The following UBR3 variants were observed in gnomAD, a reference collection of about 807,000 sequenced individuals.
The protein encoded by UBR3 is ubiquitin protein ligase E3 component n-recognin 3, also known as E3 ubiquitin-protein ligase UBR3.
Under a neutral mutation model 243.2 loss-of-function variants are expected in UBR3, and 85 were observed. The observed-to-expected ratio is 0.35, with a 90% confidence interval of 0.29 to 0.42. The LOEUF is 0.42. Among genes scored for constraint, UBR3 ranks in the 10% least tolerant of loss-of-function variants. The probability of loss-of-function intolerance (pLI) is 1.00; values close to 1 mark genes in which losing one functional copy is unlikely to be tolerated. For missense variants in UBR3, 1,686 were observed against 2,300.8 expected, an observed-to-expected ratio of 0.73 and a Z score of 5.47; for synonymous variants, 748 against 799.8, an observed-to-expected ratio of 0.94 and a Z score of 1.09.
Position 170,068,099 on chromosome 2 carries a change from TA to T in UBR3, c.5020-5326del, listed in dbSNP as rs200504554. 7.8e-3 allele frequency among the ~76,000 whole-genome samples: 1,189 copies of T among 152,140 alleles called. 14 individuals are homozygous for T. The highest frequency in any genetic ancestry group is 0.026 in the African/African-American group (1,075 of 41,496). ...AAATATTTTTAACTGAGTGAAAATGTAAACACAATATACTGAAATTGTGGGA... is the reference window on the plus strand; with the variant it reads ...AAATATTTTTAACTGAGTGAAAATGTAACACAATATACTGAAATTGTGGGA... On this transcript the variant is annotated intron_variant, in intron 35 of 38. Transcript: ENST00000272793.
intron 10 of UBR3, among the ~76,000 whole-genome samples, chr2:169,910,697 G>C (rs962671127): frequency 3.3e-5 from 5 of 152,064 alleles, no homozygotes; most frequent in African/African-American, 1.2e-4. Flanking sequence ...ATTGTTCTAG[G>C]CACTTTTCAT....
rs199818182 is a variant in UBR3, at chr2:170,073,409, C to G, written c.5020-19C>G. The G allele has an allele frequency of 8.2e-5, 132 of 1,612,164 alleles. No homozygotes were observed. Among genetic ancestry groups the G allele is most frequent in the Non-Finnish European group, 1.1e-4 (124 of 1,179,058 alleles). On this transcript the variant is annotated intron_variant, in intron 35 of 38. Coordinates refer to ENST00000272793, the MANE Select transcript of UBR3 (RefSeq NM_172070.4). The stretch of plus-strand genomic sequence containing the variant: ...TCTTGATGAAATATTTTCAGAATTT[C>G]CTATTTCATGTCTAAAAGGAAGAAG...
intron 23 of UBR3, among the ~76,000 whole-genome samples, chr2:169,956,300 T>TTTTATA (rs1553519140): frequency 6.8e-6 from 1 of 147,010 alleles, no homozygotes; most frequent in Non-Finnish European, 1.5e-5. Flanking sequence ...AACTAAAATG[T>TTTTATA]TATATATATA....
chr2:170,028,067 G>A (rs1330236592), intron 30 of UBR3, among the ~76,000 whole-genome samples: 1 of 151,906 alleles, frequency 6.6e-6, no homozygotes, highest in South Asian at 2.1e-4. Flanking sequence ...GAAGATGTAG[G>A]CTACACATTG....
At chr2:169,958,635 G>T in intron 24 of UBR3, 109 bp downstream of exon 24, 1 of 928,562 alleles carries the variant, frequency 1.1e-6, no homozygotes, top group Non-Finnish European at 1.6e-6. Flanking sequence ...TTGATTTCTA[G>T]TGTTTATTTG....
intron 19 of UBR3, among the ~76,000 whole-genome samples, chr2:169,939,856 T>G (rs2086511466): frequency 6.6e-6 from 1 of 152,180 alleles, no homozygotes; most frequent in African/African-American, 2.4e-5. Flanking sequence ...TGAGCCACTA[T>G]GCCAGGCCAT....
chr2:170,080,368 C>T, intron 37 of UBR3, 177 bp from the exon 38 acceptor site: 1 of 758,072 alleles, frequency 1.3e-6, no homozygotes, highest in South Asian at 2.4e-5. Context: ...ATTCCTTACC[C>T]AAATACCTCC....
intron 1 of UBR3, among the ~76,000 whole-genome samples, chr2:169,836,018 T>C (rs1436895419): frequency 0.013 from 363 of 27,566 alleles, 29 homozygotes; most frequent in Non-Finnish European, 0.019. Flanking sequence ...TCTCTCTCTC[T>C]CTCTCTCTCT....
At chr2:170,030,241 A>G (rs1327381116) in intron 31 of UBR3, among the ~76,000 whole-genome samples, 1 of 152,014 alleles carries the variant, frequency 6.6e-6, no homozygotes, top group African/African-American at 2.4e-5. Context: ...TTTCTGGTAC[A>G]AGTTGGCCCG....
chr2:169,889,839 A>G (rs1200952744), intron 5 of UBR3, among the ~76,000 whole-genome samples: 5 of 152,234 alleles, frequency 3.3e-5, no homozygotes, highest in African/African-American at 1.2e-4. Context: ...ATAGAGCTCC[A>G]GCATGAAGCT....
chr2:169,921,866 C>T (rs2085711831), intron 11 of UBR3, among the ~76,000 whole-genome samples: 1 of 152,088 alleles, frequency 6.6e-6, no homozygotes, highest in Admixed American at 6.5e-5. Flanking sequence ...TAATACATGC[C>T]TGTAGTCCCA....
intron 24 of UBR3, among the ~76,000 whole-genome samples, chr2:169,965,807 T>A (rs2087779917): frequency 6.6e-6 from 1 of 152,198 alleles, no homozygotes; most frequent in African/African-American, 2.4e-5. Context: ...CTGACCATGG[T>A]TGACCACAGG....
intron 32 of UBR3, among the ~76,000 whole-genome samples, chr2:170,051,629 G>A (rs775200815): frequency 1.3e-5 from 2 of 152,186 alleles, no homozygotes; most frequent in Non-Finnish European, 2.9e-5. Flanking sequence ...ACAGGCGTGA[G>A]CCACCGCGCC....
intron 23 of UBR3, among the ~76,000 whole-genome samples, chr2:169,954,944 TCTC>T (rs2087210815): frequency 6.6e-6 from 1 of 152,186 alleles, no homozygotes; most frequent in Non-Finnish European, 1.5e-5. Context: ...GCCTCTTTGT[TCTC>T]CTTCAATATG....
Position 169,846,156 on chromosome 2 carries a change from TGAA to T in UBR3, c.545+18106_545+18108del. On this transcript the variant is annotated intron_variant, in intron 1 of 38. Transcript: ENST00000272793. The stretch of plus-strand genomic sequence containing the variant: ...TTTTCTTCATTACTGAGAATGGTGT[TGAA>T]GTCTCCAAATATAACCGTGGATTTG... Among the ~76,000 whole-genome samples the T allele has an allele frequency of 1.3e-5, 2 of 152,188 alleles. 1 individual carries two copies. Among genetic ancestry groups the T allele is most frequent in the African/African-American group, 4.8e-5 (2 of 41,450 alleles).
At chr2:169,852,850 C>CAAAAAAAAAAAAAAAAAAAAA (rs869283640) in intron 1 of UBR3, among the ~76,000 whole-genome samples, 1 of 48,284 alleles carries the variant, frequency 2.1e-5, no homozygotes, top group Non-Finnish European at 3.3e-5. Flanking sequence ...GACTTCATCT[C>CAAAAAAAAAAAAAAAAAAAAA]AAAAAAAAAA....
chr2:169,941,897 G>T (rs1315939372), intron 19 of UBR3, among the ~76,000 whole-genome samples: 4 of 152,204 alleles, frequency 2.6e-5, no homozygotes, highest in Non-Finnish European at 5.9e-5. Flanking sequence ...CTCTTTCAGT[G>T]AGGGTAAAGC....
chr2:170,061,059 C>T lies in UBR3; in HGVS notation c.4786-20C>T. 2 of 1,472,590 alleles carry T rather than the reference C, an allele frequency of 1.4e-6. No homozygotes were observed. Among genetic ancestry groups the T allele is most frequent in the Non-Finnish European group, 1.8e-6 (2 of 1,100,496 alleles). The allele number at this position is 1,472,590 out of a possible 1,614,324, so 91.2% of individuals were successfully genotyped here. Reference sequence around the variant, plus strand: ...TATAATTTTCAGTGACCAGTGTAACCAATATTTTAATTTTTTCAGAGTACA... The same window carrying T: ...TATAATTTTCAGTGACCAGTGTAACTAATATTTTAATTTTTTCAGAGTACA... On this transcript the variant is annotated intron_variant, in intron 33 of 38. Coordinates refer to ENST00000272793, the MANE Select transcript of UBR3 (RefSeq NM_172070.4).
chr2:170,049,878 G>A (rs2091177281), intron 32 of UBR3, among the ~76,000 whole-genome samples: 1 of 152,182 alleles, frequency 6.6e-6, no homozygotes, highest in African/African-American at 2.4e-5. Context: ...TGGGGATACA[G>A]TGGATGTGTT....
Sources: gnomAD v4.1 joint callset for allele counts (sites outside exome capture counted in the v4.1 genomes callset) on GRCh38, gnomAD v4.1.1 for gene constraint, MANE v1.5 for transcripts, NCBI Gene and HGNC (gene_info 2026-07-23, HGNC 2026-07-21) for gene names.